The following EYA4 variants were observed in gnomAD, a reference collection of about 807,000 sequenced individuals.
The protein encoded by EYA4 is EYA transcriptional coactivator and phosphatase 4, also known as protein phosphatase EYA4.
EYA4 carries 31 observed loss-of-function variants against 87.9 expected under a neutral mutation model. The observed-to-expected ratio is 0.35, with a 90% CI of 0.27 to 0.48. The LOEUF (loss-of-function observed/expected upper bound fraction) is 0.48, where lower values mean the gene tolerates loss of function less well. Among genes scored for constraint, EYA4 ranks in the 20% least tolerant of loss-of-function variants. The pLI is 0.99. For synonymous variants in EYA4, 263 were observed against 270.6 expected (o/e 0.97, Z 0.28); for missense variants, 678 against 761.4 (o/e 0.89, Z 1.29).
chr6:133,303,879 G>A (rs533011919), intron 2 of EYA4, among the ~76,000 whole-genome samples: 1 of 151,980 alleles, frequency 6.6e-6, no homozygotes, highest in African/African-American at 2.4e-5. Flanking sequence ...AATTTCTGTG[G>A]CACTAAATTT....
At chr6:133,259,615 TC>T (rs1775628740) in intron 1 of EYA4, among the ~76,000 whole-genome samples, 1 of 152,212 alleles carries the variant, frequency 6.6e-6, no homozygotes, top group Non-Finnish European at 1.5e-5. Flanking sequence ...TCCTCAAGTG[TC>T]CCAAATTTAA....
chr6:133,301,747 T>C (rs1380781878), intron 2 of EYA4, among the ~76,000 whole-genome samples: 2 of 152,228 alleles, frequency 1.3e-5, no homozygotes, highest in Admixed American at 1.3e-4. Flanking sequence ...CAAGCTCTTA[T>C]CTACTGTGTC....
chr6:133,263,268 T>C (rs1775941775), intron 1 of EYA4, among the ~76,000 whole-genome samples: 1 of 152,204 alleles, frequency 6.6e-6, no homozygotes, highest in Admixed American at 6.5e-5. Flanking sequence ...GCCGTGAAGA[T>C]AGCTCATGAA....
intron 3 of EYA4, among the ~76,000 whole-genome samples, chr6:133,438,940 G>A (rs1247885896): frequency 6.6e-6 from 1 of 150,760 alleles, no homozygotes; most frequent in Admixed American, 6.6e-5. Flanking sequence ...TACTCGGGAG[G>A]CTGAGGCAGG....
At chr6:133,360,185 C>G (rs1226567225) in intron 2 of EYA4, 1 of 152,110 alleles carries the variant, frequency 6.6e-6, no homozygotes, top group Non-Finnish European at 1.5e-5. Context: ...TAAAAGCAAA[C>G]CATTATGATT....
At chr6:133,464,246 A>G (rs1794657034) in intron 9 of EYA4, among the ~76,000 whole-genome samples, 1 of 152,160 alleles carries the variant, frequency 6.6e-6, no homozygotes, top group African/African-American at 2.4e-5. Context: ...TTTGTGTACC[A>G]TAAACAGTTC....
intron 18 of EYA4, among the ~76,000 whole-genome samples, chr6:133,524,629 T>G (rs1028769054): frequency 6.6e-6 from 1 of 152,172 alleles, no homozygotes; most frequent in Admixed American, 6.6e-5. Flanking sequence ...TCCTCTTTTT[T>G]TAGCGGTGAA....
chr6:133,411,551 A>G (rs1488855743), intron 3 of EYA4, among the ~76,000 whole-genome samples: 2 of 151,106 alleles, frequency 1.3e-5, no homozygotes, highest in East Asian at 1.9e-4. Flanking sequence ...GTGTATCTGT[A>G]TATCTGTCTA....
chr6:133,352,506 G>C (rs534470906), intron 2 of EYA4, among the ~76,000 whole-genome samples: 1 of 151,984 alleles, frequency 6.6e-6, no homozygotes, highest in East Asian at 1.9e-4. Flanking sequence ...TGTCATATAC[G>C]TACATATAAA....
chr6:133,262,278 AG>A (rs1283054970), intron 1 of EYA4, among the ~76,000 whole-genome samples: 1 of 152,250 alleles, frequency 6.6e-6, no homozygotes, highest in African/African-American at 2.4e-5. Context: ...CTTCTAAGAA[AG>A]GCTTCAAATA....
At chr6:133,421,530 G>A (rs1397811068) in intron 3 of EYA4, among the ~76,000 whole-genome samples, 1 of 152,152 alleles carries the variant, frequency 6.6e-6, no homozygotes, top group Non-Finnish European at 1.5e-5. Context: ...TAGACATTGT[G>A]CATTTCCGTG....
At chr6:133,294,430 G>C (rs1316561974) in intron 2 of EYA4, among the ~76,000 whole-genome samples, 1 of 148,014 alleles carries the variant, frequency 6.8e-6, no homozygotes, top group African/African-American at 2.5e-5. Context: ...TGCAATGGCT[G>C]TTCACAGACG....
chr6:133,515,891 T>A (rs112698469), intron 17 of EYA4, among the ~76,000 whole-genome samples: 1 of 152,150 alleles, frequency 6.6e-6, no homozygotes, highest in African/African-American at 2.4e-5. Flanking sequence ...ATACACATAA[T>A]GTAAGCACAT....
intron 13 of EYA4, among the ~76,000 whole-genome samples, chr6:133,497,733 G>C (rs1294079841): frequency 6.6e-6 from 1 of 152,168 alleles, no homozygotes; most frequent in Admixed American, 6.6e-5. Flanking sequence ...GGTGAAGAAA[G>C]CTATATAAAT....
chr6:133,493,096 T>C (rs982136876), intron 13 of EYA4, among the ~76,000 whole-genome samples: 1 of 151,768 alleles, frequency 6.6e-6, no homozygotes, highest in African/African-American at 2.4e-5. Flanking sequence ...AAAAAAACAA[T>C]CCTAAAATTT....
chr6:133,283,646 C>T (rs1333657991), intron 2 of EYA4, among the ~76,000 whole-genome samples: 1 of 152,094 alleles, frequency 6.6e-6, no homozygotes, highest in Admixed American at 6.5e-5. Flanking sequence ...AATATGAACT[C>T]ACATAGTCTT....
intron 2 of EYA4, among the ~76,000 whole-genome samples, chr6:133,320,092 G>C (rs1180247432): frequency 6.8e-6 from 1 of 148,066 alleles, no homozygotes; most frequent in African/African-American, 2.5e-5. Context: ...TTGTATTTGT[G>C]TGTTTGTATG....
In EYA4 at chr6:133,421,558, T is replaced by C. The variant is rs113138996; in HGVS notation, c.84-25072T>C. 8.0e-4 allele frequency among the ~76,000 whole-genome samples: 122 copies of C among 152,296 alleles called. 2 individuals are homozygous for C. The Middle Eastern group carries it at 0.014, about 17-fold the overall frequency. Reference sequence around the variant, plus strand: ...TTTCCGTGTCTTGATATTTGGACATTTTCTTGTGGGTGTCCTGAAGCTCTT... The same window carrying C: ...TTTCCGTGTCTTGATATTTGGACATCTTCTTGTGGGTGTCCTGAAGCTCTT... On this transcript the variant is annotated intron_variant, in intron 3 of 19. Transcript: ENST00000355286.
At chr6:133,324,301 A>G (rs1781323709) in intron 2 of EYA4, among the ~76,000 whole-genome samples, 1 of 152,178 alleles carries the variant, frequency 6.6e-6, no homozygotes, top group Admixed American at 6.5e-5. Context: ...ATCCATAATT[A>G]CAATATTTAT....
Sources: gnomAD v4.1 joint callset for allele counts (sites outside exome capture counted in the v4.1 genomes callset) on GRCh38, gnomAD v4.1.1 for gene constraint, MANE v1.5 for transcripts, NCBI Gene and HGNC (gene_info 2026-07-23, HGNC 2026-07-21) for gene names.